The following PPP2R2B variants were observed in gnomAD, a reference collection of about 807,000 sequenced individuals.
PPP2R2B encodes protein phosphatase 2 regulatory subunit Bbeta.
Under a neutral mutation model 46.0 loss-of-function variants are expected in PPP2R2B, and 5 were observed. The ratio of observed to expected loss-of-function variants is 0.11; its 90% CI spans 0.06 to 0.23. The LOEUF is 0.23. PPP2R2B is among the 10% of genes least tolerant of loss of function. The pLI is 1.00. For synonymous variants in PPP2R2B, 215 were observed against 206.7 expected, an observed-to-expected ratio of 1.04 and a Z score of -0.34; for missense variants, 367 against 575.0, an observed-to-expected ratio of 0.64 and a Z score of 3.70.
rs147406083 is a variant in PPP2R2B at position 146,756,972 on chromosome 5, G to A, written c.71-55830C>T. Among the ~76,000 whole-genome samples, 622 of 152,298 alleles carry A rather than the reference G, an allele frequency of 4.1e-3. 1 individual carries two copies. Among genetic ancestry groups the A allele is most frequent in the Middle Eastern group, 6.8e-3 (2 of 294 alleles). On this transcript the variant is annotated intron_variant, in intron 2 of 9. Transcript: ENST00000394411. ...GAGGCAGACAAATTAAGATTAAGGAGGGTAGACAATGGAGAGTGGAGCTAG... is the reference window on the plus strand; with the variant it reads ...GAGGCAGACAAATTAAGATTAAGGAAGGTAGACAATGGAGAGTGGAGCTAG...
intron 2 of PPP2R2B, among the ~76,000 whole-genome samples, chr5:146,863,424 A>G (rs1445147508): frequency 6.6e-6 from 1 of 152,028 alleles, no homozygotes; most frequent in African/African-American, 2.4e-5. Flanking sequence ...GCATGTCCCT[A>G]CAGATCTGCG....
chr5:146,693,697 A>C (rs942867625), intron 4 of PPP2R2B, among the ~76,000 whole-genome samples: 1 of 152,246 alleles, frequency 6.6e-6, no homozygotes, highest in East Asian at 1.9e-4. Context: ...AACTGGGGAA[A>C]CAGTATCTTC....
chr5:146,748,705 T>C (rs528704558), intron 2 of PPP2R2B, among the ~76,000 whole-genome samples: 1 of 152,340 alleles, frequency 6.6e-6, no homozygotes, highest in Middle Eastern at 3.4e-3. Flanking sequence ...ATTGTATCAA[T>C]AGCTCATTCC....
intron 1 of PPP2R2B, among the ~76,000 whole-genome samples, chr5:147,022,977 G>A (rs1416906177): frequency 2.6e-5 from 4 of 152,096 alleles, no homozygotes. Context: ...TCTAAAGAAT[G>A]AGGAATAAAG....
chr5:146,643,929 T>G (rs1775401662), intron 6 of PPP2R2B, among the ~76,000 whole-genome samples: 1 of 152,176 alleles, frequency 6.6e-6, no homozygotes, highest in Admixed American at 6.5e-5. Flanking sequence ...TTGCCACCGC[T>G]ATTCAACTTT....
chr5:146,799,596 G>A (rs928265130), intron 2 of PPP2R2B, among the ~76,000 whole-genome samples: 19 of 152,178 alleles, frequency 1.2e-4, no homozygotes, highest in African/African-American at 4.6e-4. Context: ...CAACCCAAAA[G>A]AACAGAGGTG....
At chr5:147,027,523 C>G (rs565888652) in intron 1 of PPP2R2B, among the ~76,000 whole-genome samples, 9 of 151,594 alleles carry the variant, frequency 5.9e-5, no homozygotes, top group African/African-American at 2.2e-4. Context: ...ATCCCAGCTA[C>G]TTTGGAGGCT....
intron 1 of PPP2R2B, among the ~76,000 whole-genome samples, chr5:146,991,289 C>T (rs1463267885): frequency 1.3e-5 from 2 of 152,038 alleles, no homozygotes; most frequent in African/African-American, 2.4e-5. Context: ...TATTGCAGCA[C>T]TATTCATAAT....
chr5:146,690,990 G>C (rs1170845497), intron 5 of PPP2R2B, 138 bp downstream of exon 5: 1 of 645,550 alleles, frequency 1.5e-6, no homozygotes, highest in Non-Finnish European at 2.7e-6. Context: ...ACCAGAGAGA[G>C]ACTGGGGTAG....
intron 2 of PPP2R2B, among the ~76,000 whole-genome samples, chr5:146,856,950 C>T (rs1190551199): frequency 6.6e-6 from 1 of 152,124 alleles, no homozygotes; most frequent in Admixed American, 6.5e-5. Context: ...AGCCTGGAAC[C>T]TTGTATTTAA....
intron 2 of PPP2R2B, among the ~76,000 whole-genome samples, chr5:146,759,929 T>A: frequency 6.6e-6 from 1 of 152,312 alleles, no homozygotes; most frequent in East Asian, 1.9e-4. Context: ...GTGCCAATAG[T>A]GTATTACAAT....
intron 1 of PPP2R2B, among the ~76,000 whole-genome samples, chr5:146,902,128 G>C (rs1402136682): frequency 1.3e-5 from 2 of 152,094 alleles, no homozygotes; most frequent in Non-Finnish European, 2.9e-5. Context: ...TGGCATCTCA[G>C]AATCAACAAA....
At chr5:146,868,184 G>A (rs921344946) in intron 2 of PPP2R2B, among the ~76,000 whole-genome samples, 2 of 152,244 alleles carry the variant, frequency 1.3e-5, no homozygotes, top group African/African-American at 4.8e-5. Flanking sequence ...CTGCAAGGCA[G>A]CTCCTGCCAA....
At chr5:146,867,039 C>G (rs929644416) in intron 2 of PPP2R2B, among the ~76,000 whole-genome samples, 1 of 152,090 alleles carries the variant, frequency 6.6e-6, no homozygotes, top group Non-Finnish European at 1.5e-5. Context: ...GCAAGTTATA[C>G]TTGTTAGTTA....
At chr5:147,003,610 A>G (rs1397551218) in intron 1 of PPP2R2B, among the ~76,000 whole-genome samples, 1 of 152,202 alleles carries the variant, frequency 6.6e-6, no homozygotes, top group Non-Finnish European at 1.5e-5. Context: ...CAAGTAAACA[A>G]TAGAATGACA....
At chr5:146,966,788 T>C (rs1369113659) in intron 1 of PPP2R2B, among the ~76,000 whole-genome samples, 1 of 152,122 alleles carries the variant, frequency 6.6e-6, no homozygotes, top group African/African-American at 2.4e-5. Flanking sequence ...ACTGCTGTTA[T>C]TGTTTATGGT....
At chr5:146,910,604 G>A (rs1296270514) in intron 1 of PPP2R2B, among the ~76,000 whole-genome samples, 1 of 152,134 alleles carries the variant, frequency 6.6e-6, no homozygotes, top group Non-Finnish European at 1.5e-5. Flanking sequence ...GTGTAGTAAG[G>A]ATAAAATAAA....
chr5:146,682,539 C>A (rs1426619451), intron 5 of PPP2R2B, among the ~76,000 whole-genome samples: 3 of 152,154 alleles, frequency 2.0e-5, no homozygotes, highest in Non-Finnish European at 2.9e-5. Context: ...TAGACATGAG[C>A]ATGTCACTAT....
At chr5:146,855,811 G>A (rs895527391) in intron 2 of PPP2R2B, among the ~76,000 whole-genome samples, 7 of 152,052 alleles carry the variant, frequency 4.6e-5, no homozygotes, top group Non-Finnish European at 1.0e-4. Context: ...TAAAGCTAAA[G>A]CCTCACCACA....
Sources: gnomAD v4.1 joint callset for allele counts (sites outside exome capture counted in the v4.1 genomes callset) on GRCh38, gnomAD v4.1.1 for gene constraint, MANE v1.5 for transcripts, NCBI Gene and HGNC (gene_info 2026-07-23, HGNC 2026-07-21) for gene names.